Variants in DLGAP1 observed in about 807,000 individuals in gnomAD.
The protein encoded by DLGAP1 is DLG associated protein 1, also known as disks large-associated protein 1.
DLGAP1 carries 11 observed loss-of-function variants against 90.8 expected under a neutral mutation model. That is an observed-to-expected ratio of 0.12 (90% CI 0.08 to 0.20). DLGAP1 has a LOEUF of 0.20. Among genes scored for constraint, DLGAP1 ranks in the 10% least tolerant of loss-of-function variants. The pLI, the probability that DLGAP1 is intolerant of heterozygous loss-of-function variation, is 1.00. For synonymous variants in DLGAP1, 558 were observed against 540.7 expected (o/e 1.03, Z -0.44); for missense variants, 1,050 against 1,333.8 (o/e 0.79, Z 3.31).
intron 5 of DLGAP1, among the ~76,000 whole-genome samples, chr18:3,762,032 G>A (rs2063992851): frequency 6.6e-6 from 1 of 152,152 alleles, no homozygotes. Flanking sequence ...CCCACCCTGA[G>A]GAGGCACTTT....
At chr18:3,664,814 A>G (rs1262618897) in intron 7 of DLGAP1, among the ~76,000 whole-genome samples, 1 of 152,234 alleles carries the variant, frequency 6.6e-6, no homozygotes, top group African/African-American at 2.4e-5. Flanking sequence ...GTGCAGAATA[A>G]ATATTTGTTA....
At chr18:3,866,609 T>C (rs2070400914) in intron 4 of DLGAP1, among the ~76,000 whole-genome samples, 2 of 152,212 alleles carry the variant, frequency 1.3e-5, no homozygotes, top group Non-Finnish European at 2.9e-5. Flanking sequence ...AAGTACAAAA[T>C]GCACTGGGCT....
intron 4 of DLGAP1, chr18:3,845,099 C>T (rs933878235): frequency 3.5e-6 from 4 of 1,146,562 alleles, no homozygotes; most frequent in Non-Finnish European, 4.9e-6. Context: ...TTGTTCATCC[C>T]CAGTTCACAG....
At chr18:3,907,731 C>T (rs1205868902) in intron 3 of DLGAP1, among the ~76,000 whole-genome samples, 1 of 152,180 alleles carries the variant, frequency 6.6e-6, no homozygotes, top group Non-Finnish European at 1.5e-5. Context: ...GTGTCATCAA[C>T]AGTTGATCAT....
chr18:3,882,272 G>A (rs1246068427), intron 3 of DLGAP1, among the ~76,000 whole-genome samples: 5 of 151,500 alleles, frequency 3.3e-5, no homozygotes, highest in Admixed American at 6.6e-5. Flanking sequence ...CGTGGTGGCT[G>A]ACGCCTGTAA....
At chr18:4,328,535 A>T (rs1025713626) in intron 1 of DLGAP1, among the ~76,000 whole-genome samples, 3 of 151,942 alleles carry the variant, frequency 2.0e-5, no homozygotes, top group Non-Finnish European at 2.9e-5. Flanking sequence ...TTGCATAAAC[A>T]TATGTTTTCA....
At chr18:4,093,076 T>C (rs1394490275) in intron 2 of DLGAP1, among the ~76,000 whole-genome samples, 6 of 152,178 alleles carry the variant, frequency 3.9e-5, no homozygotes, top group Non-Finnish European at 8.8e-5. Flanking sequence ...ATTTATGACA[T>C]GGTAGTTTAT....
intron 7 of DLGAP1, among the ~76,000 whole-genome samples, chr18:3,665,439 A>C (rs1345863941): frequency 6.6e-6 from 1 of 152,200 alleles, no homozygotes; most frequent in Non-Finnish European, 1.5e-5. Flanking sequence ...ACGGATATGG[A>C]AAATACATGC....
At chr18:3,566,339 GT>G (rs918583063) in intron 9 of DLGAP1, among the ~76,000 whole-genome samples, 4 of 151,752 alleles carry the variant, frequency 2.6e-5, no homozygotes, top group African/African-American at 9.7e-5. Flanking sequence ...ATTATATCAG[GT>G]TGGTGCAAAA....
intron 1 of DLGAP1, among the ~76,000 whole-genome samples, chr18:4,410,700 AT>A (rs2082759048): frequency 1.3e-5 from 2 of 152,220 alleles, no homozygotes; most frequent in Admixed American, 1.3e-4. Flanking sequence ...ATATATATAT[AT>A]ATAATCAAAA....
intron 1 of DLGAP1, among the ~76,000 whole-genome samples, chr18:4,302,823 C>T (rs2080159795): frequency 6.6e-6 from 1 of 152,142 alleles, no homozygotes; most frequent in South Asian, 2.1e-4. Context: ...AACATTTTAA[C>T]AATATTAATT....
intron 9 of DLGAP1, among the ~76,000 whole-genome samples, chr18:3,550,006 C>T (rs1236857409): frequency 2.6e-5 from 4 of 151,762 alleles, no homozygotes; most frequent in Admixed American, 2.6e-4. Flanking sequence ...CTCCACCTTT[C>T]GGGTTCAAGC....
intron 1 of DLGAP1, among the ~76,000 whole-genome samples, chr18:4,159,108 C>T (rs2076803274): frequency 6.6e-6 from 1 of 152,170 alleles, no homozygotes. Context: ...AACAATTGCA[C>T]ATTATTTCTT....
intron 1 of DLGAP1, among the ~76,000 whole-genome samples, chr18:4,194,991 T>C (rs759461199): frequency 2.0e-5 from 3 of 152,210 alleles, no homozygotes; most frequent in Admixed American, 6.5e-5. Context: ...TTGTTGACTA[T>C]GGTCACCCTG....
chr18:3,870,626 A>G (rs879308619), intron 4 of DLGAP1, among the ~76,000 whole-genome samples: 1 of 120,136 alleles, frequency 8.3e-6, no homozygotes, highest in Non-Finnish European at 2.0e-5. Flanking sequence ...CTATCTATCT[A>G]TCTATCTATC....
intron 2 of DLGAP1, among the ~76,000 whole-genome samples, chr18:4,125,329 C>T (rs1390418376): frequency 2.6e-5 from 4 of 152,160 alleles, no homozygotes; most frequent in African/African-American, 7.2e-5. Flanking sequence ...GGGGGGGCTA[C>T]AGGAGGAGGC....
rs1174622871 is a variant in DLGAP1 at position 3,962,549 on chromosome 18, T to C, written c.-73+42567A>G. 10 of 152,350 alleles carry C rather than the reference T, an allele frequency of 6.6e-5. No homozygotes were observed. In the East Asian group the frequency reaches 1.7e-3, roughly 26 times the overall value. 9.4% of individuals were successfully genotyped at this position (152,350 alleles called of 1,614,324 possible). A position where few individuals can be genotyped will look rare whatever the true frequency, so the allele number is the denominator to read the frequency against. On this transcript the variant is annotated intron_variant, in intron 3 of 12. Coordinates refer to ENST00000315677, the MANE Select transcript of DLGAP1 (RefSeq NM_004746.4). ...TGTGTACTTCAGGGAAATTTTCTTT[T>C]AATTTGGTCAGTATTTTCCCTCTTC... is the stretch of plus-strand genomic sequence containing the variant.
intron 1 of DLGAP1, among the ~76,000 whole-genome samples, chr18:4,179,358 G>A (rs537033333): frequency 6.6e-6 from 1 of 151,614 alleles, no homozygotes; most frequent in African/African-American, 2.4e-5. Flanking sequence ...ATGCTCATAG[G>A]CAGAAATGCT....
intron 1 of DLGAP1, among the ~76,000 whole-genome samples, chr18:4,216,557 A>T (rs2077961125): frequency 6.6e-6 from 1 of 152,132 alleles, no homozygotes; most frequent in African/African-American, 2.4e-5. Context: ...GCATGAGTAA[A>T]TATATCCTAG....
Sources: allele counts gnomAD v4.1 joint callset (sites outside exome capture counted in the v4.1 genomes callset), GRCh38; gene constraint gnomAD v4.1.1; transcripts MANE v1.5; gene names NCBI Gene and HGNC (gene_info 2026-07-23, HGNC 2026-07-21).